MBD3: variants seen among roughly 807,000 people sequenced by gnomAD.
The protein encoded by MBD3 is methyl-CpG-binding domain protein 3.
MBD3 carries 13 observed loss-of-function variants against 31.2 expected under a neutral mutation model. The ratio of observed to expected loss-of-function variants is 0.42; its 90% confidence interval spans 0.27 to 0.66. MBD3 has a LOEUF of 0.66. Among genes scored for constraint, MBD3 ranks in the 30% least tolerant of loss-of-function variants. The pLI is 0.26. For synonymous variants in MBD3, 223 were observed against 187.4 expected (o/e 1.19, Z -1.55); for missense variants, 440 against 426.5 (o/e 1.03, Z -0.28).
chr19:1,592,265 G>A (rs1159070575), intron 1 of MBD3: 2 of 156,618 alleles, frequency 1.3e-5, no homozygotes, highest in African/African-American at 2.4e-5. Flanking sequence ...CCCTGGCCCA[G>A]CGCGCACGAA....
rs1916766960 is a variant in MBD3 at position 1,575,918 on chromosome 19, C to T, written c.*2246G>A. The T allele has an allele frequency of 6.6e-6, 1 of 152,296 alleles. No individual in the cohort carries two copies. Among genetic ancestry groups the T allele is most frequent in the African/African-American group, 2.4e-5 (1 of 41,416 alleles). 9.4% of individuals were successfully genotyped at this position (152,296 alleles called of 1,614,324 possible). A position where few individuals can be genotyped will look rare whatever the true frequency, so the allele number is the denominator to read the frequency against. ...TCTCAGACCAAGGCCAGGACATGGCCAGAACCCCGGGATCAGAGGGACTGA... is the reference window on the plus strand; with the variant it reads ...TCTCAGACCAAGGCCAGGACATGGCTAGAACCCCGGGATCAGAGGGACTGA... On this transcript the variant is annotated 3_prime_UTR_variant, in exon 7 of 7. Transcript: ENST00000434436.
intron 3 of MBD3, among the ~76,000 whole-genome samples, chr19:1,583,678 A>G (rs763132951): frequency 1.3e-5 from 2 of 152,154 alleles, no homozygotes; most frequent in Non-Finnish European, 2.9e-5. Context: ...GGCAACATAC[A>G]GAAACCCTGT....
At position 1,578,578 on chromosome 19, in the gene MBD3, G is replaced by T; in HGVS notation, c.678-40C>A. The stretch of plus-strand genomic sequence containing the variant: ...ACCTTGCGTTACACCAAGGTGAGCG[G>T]CCAGCAGGACATGGACACAGGATGA... On this transcript the variant is annotated intron_variant, in intron 5 of 6. Transcript: ENST00000434436. This position sits in a 1 kb window ranked among gnomAD's most constrained non-coding sequence, Gnocchi z 6.1. 3 of 1,608,570 alleles carry T rather than the reference G, an allele frequency of 1.9e-6. No individual in the cohort carries two copies. In the South Asian group the frequency reaches 3.3e-5, roughly 18 times the overall value.
At chr19:1,579,630 CCT>C (rs1258556091) in intron 5 of MBD3, among the ~76,000 whole-genome samples, 4 of 152,142 alleles carry the variant, frequency 2.6e-5, no homozygotes, top group African/African-American at 9.7e-5. Context: ...TGAGCTGCTC[CCT>C]CTCACTCTGT....
intron 1 of MBD3, chr19:1,591,944 C>G (rs1220655630): frequency 6.6e-6 from 1 of 152,140 alleles, no homozygotes; most frequent in Admixed American, 6.6e-5. Context: ...GGGCCACGAC[C>G]CAAGAGGACC....
Position 1,592,694 on chromosome 19 carries a change from CGCCGCCTCA to C in MBD3, c.-72_-64del. On this transcript the variant is annotated 5_prime_UTR_variant, in exon 1 of 7. Coordinates refer to ENST00000434436, the MANE Select transcript of MBD3 (RefSeq NM_001281453.2). ...CGCCGCCCGGACCCCCACTCGCCGC[CGCCGCCTCA>C]GCTGCCTCCGCTGCCGCTGCCGCCG... 1.7e-6 allele frequency: 1 copy of C among 583,636 alleles called. No individual in the cohort carries two copies. Among genetic ancestry groups the C allele is most frequent in the Non-Finnish European group, 2.2e-6 (1 of 450,312 alleles). 36.2% of individuals were successfully genotyped at this position (583,636 alleles called of 1,614,324 possible). A position where few individuals can be genotyped will look rare whatever the true frequency, so the allele number is the denominator to read the frequency against.
Position 1,578,051 on chromosome 19 carries a change from C to T in MBD3, c.*113G>A. ...AGGGAGCCAGGAGCACGGCCTTCCT[C>T]CTGGGTGTCTCCAAGGCTGGGCTTC... On this transcript the variant is annotated 3_prime_UTR_variant, in exon 7 of 7. Transcript: ENST00000434436. The surrounding 1 kb of genome is among the most constrained non-coding windows in gnomAD (Gnocchi z 6.1). 1.8e-6 allele frequency: 1 copy of T among 547,628 alleles called. No homozygotes were observed. The highest frequency in any genetic ancestry group is 3.3e-6 in the Non-Finnish European group (1 of 303,952). The allele number at this position is 547,628 out of a possible 1,614,324, so 33.9% of individuals were successfully genotyped here. A position where few individuals can be genotyped will look rare whatever the true frequency, so the allele number is the denominator to read the frequency against.
At position 1,578,654 on chromosome 19, in the gene MBD3, C is replaced by A; in HGVS notation, c.678-116G>T. 1.9e-6 allele frequency: 3 copies of A among 1,588,516 alleles called. No homozygotes were observed. Among genetic ancestry groups the A allele is most frequent in the Non-Finnish European group, 2.6e-6 (3 of 1,172,334 alleles). ...AGGCCCGAGGGATCCACAGGCACCC[C>A]CCCAGGACCAGCCCTGGCCCGTGCC... On this transcript the variant is annotated intron_variant, in intron 5 of 6. Coordinates refer to ENST00000434436, the MANE Select transcript of MBD3 (RefSeq NM_001281453.2). This position sits in a 1 kb window ranked among gnomAD's most constrained non-coding sequence, Gnocchi z 6.1.
At position 1,576,910 on chromosome 19, in the gene MBD3, C is replaced by A. The variant is rs1599336706; in HGVS notation, c.*1254G>T. 1 of 152,340 alleles carries A rather than the reference C, an allele frequency of 6.6e-6. No individual in the cohort carries two copies. The highest frequency in any genetic ancestry group is 1.5e-5 in the Non-Finnish European group (1 of 68,106). The allele number at this position is 152,340 out of a possible 1,614,324, so 9.4% of individuals were successfully genotyped here. On this transcript the variant is annotated 3_prime_UTR_variant, in exon 7 of 7. Transcript: ENST00000434436. ...ACAGGGAGCAGCAGGAAGCTGCCAG[C>A]CCACTGCCTCCATGCGGGTCCTTGG... is the stretch of plus-strand genomic sequence containing the variant.
In MBD3 at chr19:1,578,010, T is replaced by C. The variant is rs1416880668; in HGVS notation, c.*154A>G. The C allele has an allele frequency of 2.2e-6, 1 of 456,660 alleles. No homozygotes were observed. 28.3% of individuals were successfully genotyped at this position (456,660 alleles called of 1,614,324 possible). A position where few individuals can be genotyped will look rare whatever the true frequency, so the allele number is the denominator to read the frequency against. ...CTGTGTGCCCCGAGGCCCCGGGAAG[T>C]GGGGACGGGCCGAGGAGGGAGCCAG... On this transcript the variant is annotated 3_prime_UTR_variant, in exon 7 of 7. Coordinates refer to ENST00000434436, the MANE Select transcript of MBD3 (RefSeq NM_001281453.2). The surrounding 1 kb of genome is among the most constrained non-coding windows in gnomAD (Gnocchi z 6.1).
In MBD3 at chr19:1,578,372, G is replaced by GCTCCTCCTC. The variant is rs371220154; in HGVS notation, c.835_843dup (p.Glu279_Glu281dup). ...TGCTCCATCTCCGGGTCCGGGTCGG[G>GCTCCTCCTC]CTCCTCCTCCTCCTCCTCCTCGTCT... On this transcript the variant is annotated inframe_insertion, in exon 6 of 7. Coordinates refer to ENST00000434436, the MANE Select transcript of MBD3 (RefSeq NM_001281453.2). The surrounding 1 kb of genome is among the most constrained non-coding windows in gnomAD (Gnocchi z 6.1). 87 of 1,600,904 alleles carry GCTCCTCCTC rather than the reference G, an allele frequency of 5.4e-5. 1 individual carries two copies. Among genetic ancestry groups the GCTCCTCCTC allele is most frequent in the Non-Finnish European group, 7.2e-5 (85 of 1,177,900 alleles).
intron 1 of MBD3, among the ~76,000 whole-genome samples, chr19:1,589,846 T>C (rs1197623197): frequency 6.6e-6 from 1 of 150,708 alleles, no homozygotes; most frequent in Non-Finnish European, 1.5e-5. Context: ...AATGAATAAA[T>C]GAATGAATGA....
chr19:1,587,986 G>C (rs1204222142), intron 1 of MBD3, among the ~76,000 whole-genome samples: 1 of 152,228 alleles, frequency 6.6e-6, no homozygotes, highest in East Asian at 1.9e-4. Context: ...CAGCTCAGAA[G>C]AATCTCCCAT....
rs921207937 is a variant in MBD3 at position 1,575,580 on chromosome 19, G to C, written c.*2584C>G. The C allele has an allele frequency of 2.1e-5, 4 of 186,636 alleles. No homozygotes were observed. The highest frequency in any genetic ancestry group is 7.2e-5 in the African/African-American group (3 of 41,906). The allele number at this position is 186,636 out of a possible 1,614,324, so 11.6% of individuals were successfully genotyped here. On this transcript the variant is annotated 3_prime_UTR_variant, in exon 7 of 7. Transcript: ENST00000434436. ...CTCAGGCTTCCCCGCCCCATGCCAG[G>C]TCTGGGTTCTGGGGCTGGAGTGTGG...
In MBD3 at chr19:1,588,372, G is replaced by A. The variant is rs530262500; in HGVS notation, c.111-3158C>T. ...AGTGGAAAGAAACCAAGAAACCAGA[G>A]GCTGAGACTCAGGCTTCATGTAGCC... On this transcript the variant is annotated intron_variant, in intron 1 of 6. Coordinates refer to ENST00000434436, the MANE Select transcript of MBD3 (RefSeq NM_001281453.2). 2.0e-5 allele frequency among the ~76,000 whole-genome samples: 3 copies of A among 152,288 alleles called. No homozygotes were observed. The South Asian group carries it at 6.2e-4, about 32-fold the overall frequency.
In MBD3 at chr19:1,592,727, C is replaced by T. The variant is rs985961501; in HGVS notation, c.-96G>A. On this transcript the variant is annotated 5_prime_UTR_variant, in exon 1 of 7. Transcript: ENST00000434436. ...CAGCTGCCTCCGCTGCCGCTGCCGC[C>T]GCCGCCACTTGCCGCGGCTGTTCCG... 2 of 276,640 alleles carry T rather than the reference C, an allele frequency of 7.2e-6. No individual in the cohort carries two copies. The highest frequency in any genetic ancestry group is 1.1e-5 in the Non-Finnish European group (2 of 182,402). 17.1% of individuals were successfully genotyped at this position (276,640 alleles called of 1,614,324 possible).
rs962828773 is a variant in MBD3, at chr19:1,585,605, G to A, written c.111-391C>T. The A allele has an allele frequency of 2.4e-5, 7 of 286,408 alleles. No homozygotes were observed. Among genetic ancestry groups the A allele is most frequent in the East Asian group, 9.4e-5 (1 of 10,618 alleles). 17.7% of individuals were successfully genotyped at this position (286,408 alleles called of 1,614,324 possible). A position where few individuals can be genotyped will look rare whatever the true frequency, so the allele number is the denominator to read the frequency against. Reference sequence around the variant, plus strand: ...CCTGGCAGCGTCAGGCACAGCAGACGCTGAGTTCGGGTACAAACGCTACTA... The same window carrying A: ...CCTGGCAGCGTCAGGCACAGCAGACACTGAGTTCGGGTACAAACGCTACTA... On this transcript the variant is annotated intron_variant, in intron 1 of 6. Coordinates refer to ENST00000434436, the MANE Select transcript of MBD3 (RefSeq NM_001281453.2). The surrounding 1 kb of genome is among the most constrained non-coding windows in gnomAD (Gnocchi z 4.1).
At chr19:1,592,047 G>C (rs2060706235) in intron 1 of MBD3, 1 of 152,282 alleles carries the variant, frequency 6.6e-6, no homozygotes, top group Non-Finnish European at 1.5e-5. Flanking sequence ...CCCAGGACTG[G>C]GGCGAGCCCA....
At chr19:1,583,758 T>G (rs527914350) in intron 3 of MBD3, among the ~76,000 whole-genome samples, 2 of 152,258 alleles carry the variant, frequency 1.3e-5, no homozygotes, top group African/African-American at 4.8e-5. Flanking sequence ...CCACACCTCA[T>G]GAGCAAGCTA....
Sources: allele counts gnomAD v4.1 joint callset (sites outside exome capture counted in the v4.1 genomes callset), GRCh38; gene constraint gnomAD v4.1.1; non-coding constraint Gnocchi (gnomAD v3.1); transcripts MANE v1.5; gene names NCBI Gene and HGNC (gene_info 2026-07-23, HGNC 2026-07-21).